FAM210A: variants seen among roughly 807,000 people sequenced by gnomAD.
The protein encoded by FAM210A is mitochondrial inner membrane scaffold 1.
Under a neutral mutation model 25.3 loss-of-function variants are expected in FAM210A, and 13 were observed. That is an observed-to-expected ratio of 0.51 (90% confidence interval 0.33 to 0.82). The LOEUF is 0.82. Among genes scored for constraint, FAM210A ranks in the 40% least tolerant of loss-of-function variants. The pLI is 0.02. For missense variants in FAM210A, 319 were observed against 323.2 expected, an observed-to-expected ratio of 0.99 and a Z score of 0.10; for synonymous variants, 125 against 118.7, an observed-to-expected ratio of 1.05 and a Z score of -0.35.
chr18:13,694,260 C>T (rs1045004824), intron 1 of FAM210A, among the ~76,000 whole-genome samples: 3 of 62,804 alleles, frequency 4.8e-5, no homozygotes, highest in South Asian at 5.1e-4. Flanking sequence ...TCCATGCTTA[C>T]GGATAGGAAG....
chr18:13,665,127 G>C lies in FAM210A; in HGVS notation c.*1353C>G, dbSNP rs2043389050. ...AATACAAAAAAATTAGCTGGGCGTGGTGGTGGGCGCCTGTAGTCCCAGCTA... is the reference window on the plus strand; with the variant it reads ...AATACAAAAAAATTAGCTGGGCGTGCTGGTGGGCGCCTGTAGTCCCAGCTA... On this transcript the variant is annotated 3_prime_UTR_variant, in exon 4 of 4. Coordinates refer to ENST00000651643, the MANE Select transcript of FAM210A (RefSeq NM_152352.4). 6.6e-6 allele frequency: 1 copy of C among 152,272 alleles called. No individual in the cohort carries two copies. The allele number at this position is 152,272 out of a possible 1,614,324, so 9.4% of individuals were successfully genotyped here.
intron 1 of FAM210A, among the ~76,000 whole-genome samples, chr18:13,687,329 T>C (rs2043606063): frequency 6.6e-6 from 1 of 152,122 alleles, no homozygotes; most frequent in African/African-American, 2.4e-5. Context: ...TCAGCAATTA[T>C]CACACTACCT....
In FAM210A at chr18:13,682,109, C is replaced by T; in HGVS notation, c.-28-4G>A. On this transcript the variant is annotated splice_region_variant and splice_polypyrimidine_tract_variant and intron_variant, in intron 1 of 3. Transcript: ENST00000651643. Reference sequence around the variant, plus strand: ...GAGTGTTGATAGGTTTCAGCTTCTACAAAGACAATTTTTCAAAAAAATTAG... The same window carrying T: ...GAGTGTTGATAGGTTTCAGCTTCTATAAAGACAATTTTTCAAAAAAATTAG... 1 of 1,516,302 alleles carries T rather than the reference C, an allele frequency of 6.6e-7. No individual in the cohort carries two copies. The highest frequency in any genetic ancestry group is 1.3e-5 in the South Asian group (1 of 75,644). 93.9% of individuals were successfully genotyped at this position (1,516,302 alleles called of 1,614,324 possible).
intron 1 of FAM210A, among the ~76,000 whole-genome samples, chr18:13,717,926 G>A (rs1228384423): frequency 2.0e-5 from 3 of 152,208 alleles, no homozygotes; most frequent in Non-Finnish European, 2.9e-5. Flanking sequence ...GGACAGGGCC[G>A]CATACGGGGA....
At position 13,708,493 on chromosome 18, in the gene FAM210A, G is replaced by A. The variant is rs572815276; in HGVS notation, c.-29+17836C>T. On this transcript the variant is annotated intron_variant, in intron 1 of 3. Coordinates refer to ENST00000651643, the MANE Select transcript of FAM210A (RefSeq NM_152352.4). ...TATTTCTAGTGAGTCGCCCCATTCT[G>A]AAGCTACAGAAGCCCTACCCTAAGT... is the stretch of plus-strand genomic sequence containing the variant. Among the ~76,000 whole-genome samples the A allele has an allele frequency of 4.0e-4, 61 of 152,282 alleles. 4 individuals carry two copies. In the South Asian group the frequency reaches 0.011, roughly 26 times the overall value.
At chr18:13,709,917 T>A (rs2043808516) in intron 1 of FAM210A, among the ~76,000 whole-genome samples, 1 of 152,242 alleles carries the variant, frequency 6.6e-6, no homozygotes, top group Non-Finnish European at 1.5e-5. Flanking sequence ...GCAAAGATTA[T>A]GTCAGTGAGA....
At chr18:13,683,558 C>A (rs1030088968) in intron 1 of FAM210A, among the ~76,000 whole-genome samples, 1 of 106,930 alleles carries the variant, frequency 9.4e-6, no homozygotes, top group Non-Finnish European at 1.8e-5. Flanking sequence ...AGCAAGACTG[C>A]AAGCCTTTTT....
In FAM210A at chr18:13,682,074, G is replaced by A. The variant is rs768981281; in HGVS notation, c.4C>T (p.Gln2Ter). Residue 2 changes from glutamine (Q) to a stop codon, truncating the protein, a stop_gained, in exon 2 of 4, where the codon CAA becomes TAA. Transcript: ENST00000651643. LOFTEE classifies it high-confidence loss of function. ...GATACAGTCCGTGGTACATTCCATT[G>A]CATTTTGAAGAGTGTTGATAGGTTT... M[Q>*]WNVPRTVSRL... 6.4e-7 allele frequency: 1 copy of A among 1,571,772 alleles called. No individual in the cohort carries two copies. The highest frequency in any genetic ancestry group is 1.2e-5 in the South Asian group (1 of 84,336).
At chr18:13,681,553 G>A in intron 2 of FAM210A, 52 bp downstream of exon 2, 2 of 1,386,804 alleles carry the variant, frequency 1.4e-6, no homozygotes, top group Non-Finnish European at 2.0e-6. Flanking sequence ...CAATTAAAAA[G>A]ATTAATATTC....
At chr18:13,688,438 G>A (rs145560499) in intron 1 of FAM210A, among the ~76,000 whole-genome samples, 25 of 143,518 alleles carry the variant, frequency 1.7e-4, no homozygotes, top group African/African-American at 5.7e-4. Context: ...CTTCAGAGAC[G>A]ATGGCTGCAT....
At chr18:13,705,716 C>T (rs2043773068) in intron 1 of FAM210A, among the ~76,000 whole-genome samples, 1 of 152,168 alleles carries the variant, frequency 6.6e-6, no homozygotes, top group Non-Finnish European at 1.5e-5. Context: ...AGGTGATCCT[C>T]CCACCTCAGC....
In FAM210A at chr18:13,666,439, G is replaced by A. The variant is rs967763800; in HGVS notation, c.*41C>T. 6.6e-7 allele frequency: 1 copy of A among 1,524,478 alleles called. No homozygotes were observed. Among genetic ancestry groups the A allele is most frequent in the Admixed American group, 1.8e-5 (1 of 55,432 alleles). The allele number at this position is 1,524,478 out of a possible 1,614,324, so 94.4% of individuals were successfully genotyped here. ...TATCTTTGCCCATAGTTTCCAAAGG[G>A]TTAAAGTGCAGGAATTTTCTATACT... is the stretch of plus-strand genomic sequence containing the variant. On this transcript the variant is annotated 3_prime_UTR_variant, in exon 4 of 4. Coordinates refer to ENST00000651643, the MANE Select transcript of FAM210A (RefSeq NM_152352.4).
intron 2 of FAM210A, among the ~76,000 whole-genome samples, chr18:13,677,819 A>G (rs141450727): frequency 2.3e-3 from 357 of 152,238 alleles, no homozygotes; most frequent in African/African-American, 8.1e-3. Context: ...TAGATCTATT[A>G]TGATAACGGT....
intron 1 of FAM210A, among the ~76,000 whole-genome samples, chr18:13,684,901 T>C (rs923451754): frequency 6.6e-6 from 1 of 151,940 alleles, no homozygotes; most frequent in Admixed American, 6.6e-5. Flanking sequence ...AACATAAAGA[T>C]AGCCGGGAAC....
At chr18:13,704,746 AT>A (rs1441306962) in intron 1 of FAM210A, among the ~76,000 whole-genome samples, 1 of 152,208 alleles carries the variant, frequency 6.6e-6, no homozygotes, top group Non-Finnish European at 1.5e-5. Flanking sequence ...GTTAATATAT[AT>A]TCCAAAATTG....
intron 1 of FAM210A, among the ~76,000 whole-genome samples, chr18:13,718,599 T>C (rs1003109840): frequency 6.6e-6 from 1 of 152,112 alleles, no homozygotes; most frequent in Non-Finnish European, 1.5e-5. Flanking sequence ...TATGTATAAA[T>C]TGTGTCTTTT....
chr18:13,682,648 C>T (rs991818945), intron 1 of FAM210A, among the ~76,000 whole-genome samples: 2 of 151,184 alleles, frequency 1.3e-5, no homozygotes, highest in African/African-American at 2.4e-5. Context: ...GCAGGCGGAT[C>T]GCTTGAGGTC....
intron 1 of FAM210A, among the ~76,000 whole-genome samples, chr18:13,697,059 G>T (rs1032756258): frequency 2.0e-5 from 3 of 152,204 alleles, no homozygotes; most frequent in African/African-American, 7.2e-5. Flanking sequence ...ACAGTATTCA[G>T]TACAGTAATG....
rs568224980 is a variant in FAM210A, at chr18:13,682,616, C to A, written c.-28-511G>T. On this transcript the variant is annotated intron_variant, in intron 1 of 3. Transcript: ENST00000651643. ...AGGTGAGGTGGCCCACGCCTGTAATCCCAGAATTTTGGGAGTCTGAGGCAG... is the reference window on the plus strand; with the variant it reads ...AGGTGAGGTGGCCCACGCCTGTAATACCAGAATTTTGGGAGTCTGAGGCAG... Among the ~76,000 whole-genome samples, 21 of 152,226 alleles carry A rather than the reference C, an allele frequency of 1.4e-4. No homozygotes were observed. The East Asian group carries it at 4.1e-3, about 29-fold the overall frequency.
Sources: allele counts gnomAD v4.1 joint callset (sites outside exome capture counted in the v4.1 genomes callset), GRCh38; gene constraint gnomAD v4.1.1; transcripts MANE v1.5; gene names NCBI Gene and HGNC (gene_info 2026-07-23, HGNC 2026-07-21).